The following CDH8 variants were observed in gnomAD, a reference collection of about 807,000 sequenced individuals.
CDH8 encodes the protein cadherin-8.
In CDH8, 17 loss-of-function variants were observed where a neutral mutation model predicts 68.1. That is an observed-to-expected ratio of 0.25 (90% CI 0.17 to 0.37). The LOEUF (loss-of-function observed/expected upper bound fraction) is 0.37, where lower values mean the gene tolerates loss of function less well. CDH8 is among the 10% of genes least tolerant of loss of function. The probability of loss-of-function intolerance (pLI) is 1.00; values close to 1 mark genes in which losing one functional copy is unlikely to be tolerated. For synonymous variants in CDH8, 372 were observed against 365.1 expected (o/e 1.02, Z -0.21); for missense variants, 763 against 999.3 (o/e 0.76, Z 3.19).
intron 8 of CDH8, among the ~76,000 whole-genome samples, chr16:61,768,346 C>CTCTCTCTCTCCCTT (rs1960661126): frequency 9.3e-6 from 1 of 107,118 alleles, no homozygotes; most frequent in Admixed American, 9.5e-5. Context: ...CTCTCTCTCT[C>CTCTCTCTCTCCCTT]TCTCTCTCTC....
chr16:61,787,768 A>G (rs1961263669), intron 8 of CDH8, among the ~76,000 whole-genome samples: 1 of 151,560 alleles, frequency 6.6e-6, no homozygotes, highest in South Asian at 2.1e-4. Flanking sequence ...GCCATAAAAA[A>G]TGATGACTTC....
chr16:61,989,347 A>C (rs556172042), intron 2 of CDH8, among the ~76,000 whole-genome samples: 61 of 152,236 alleles, frequency 4.0e-4, no homozygotes, highest in Non-Finnish European at 7.8e-4. Flanking sequence ...TTTCCCACAC[A>C]TGGAGACTGG....
intron 8 of CDH8, 74 bp downstream of exon 8, chr16:61,789,272 G>T (rs1961320843): frequency 3.6e-6 from 5 of 1,375,062 alleles, no homozygotes; most frequent in Non-Finnish European, 4.0e-6. Flanking sequence ...AACAGGGGCT[G>T]CTTATCACGT....
Position 61,653,490 on chromosome 16 carries a change from T to C in CDH8, c.*118A>G, listed in dbSNP as rs1230562455. The C allele has an allele frequency of 2.0e-6, 3 of 1,490,772 alleles. No individual in the cohort carries two copies. Among genetic ancestry groups the C allele is most frequent in the East Asian group, 2.3e-5 (1 of 42,982 alleles). The allele number at this position is 1,490,772 out of a possible 1,614,324, so 92.3% of individuals were successfully genotyped here. A position where few individuals can be genotyped will look rare whatever the true frequency, so the allele number is the denominator to read the frequency against. ...CAACATTAAAATGTGGTTGAGTTTA[T>C]AGATGACTGGTGCTAAACTTGCCTC... On this transcript the variant is annotated 3_prime_UTR_variant, in exon 12 of 12. Coordinates refer to ENST00000577390, the MANE Select transcript of CDH8 (RefSeq NM_001796.5).
At chr16:61,665,703 AT>A (rs2142765905) in intron 10 of CDH8, among the ~76,000 whole-genome samples, 1 of 151,410 alleles carries the variant, frequency 6.6e-6, no homozygotes, top group South Asian at 2.1e-4. Context: ...GCCTATCTGG[AT>A]AACTCTTCAC....
chr16:61,829,571 C>T (rs1310380144), intron 4 of CDH8, among the ~76,000 whole-genome samples: 1 of 151,810 alleles, frequency 6.6e-6, no homozygotes, highest in Non-Finnish European at 1.5e-5. Context: ...TGTTTTCTTA[C>T]CTGTAAAATG....
chr16:61,870,463 G>A (rs530513230), intron 3 of CDH8, among the ~76,000 whole-genome samples: 5 of 152,282 alleles, frequency 3.3e-5, no homozygotes, highest in Admixed American at 3.3e-4. Context: ...TTTCAAAACA[G>A]TATTTCATAT....
At chr16:61,763,525 G>A (rs903931742) in intron 8 of CDH8, among the ~76,000 whole-genome samples, 5 of 152,122 alleles carry the variant, frequency 3.3e-5, no homozygotes, top group East Asian at 3.9e-4. Context: ...ACTGTTGGGA[G>A]CTAGAGTTGA....
At chr16:61,891,961 TA>T (rs1038569387) in intron 3 of CDH8, among the ~76,000 whole-genome samples, 3 of 152,194 alleles carry the variant, frequency 2.0e-5, no homozygotes, top group African/African-American at 7.2e-5. Flanking sequence ...CTATAAATTA[TA>T]AAAAAGAAAT....
At chr16:61,774,480 CAT>C (rs1041302080) in intron 8 of CDH8, among the ~76,000 whole-genome samples, 4 of 142,814 alleles carry the variant, frequency 2.8e-5, no homozygotes, top group Non-Finnish European at 1.5e-5. Context: ...AAAAAAAAGA[CAT>C]AAAGATCCAG....
rs143641908 is a variant in CDH8 at position 61,723,913 on chromosome 16, C to T, written c.1536+3181G>A. Among the ~76,000 whole-genome samples, 1,205 of 150,768 alleles carry T rather than the reference C, an allele frequency of 8.0e-3. 13 individuals are homozygous for T. Among genetic ancestry groups the T allele is most frequent in the Middle Eastern group, 0.031 (9 of 294 alleles). On this transcript the variant is annotated intron_variant, in intron 9 of 11. Transcript: ENST00000577390. ...ATGTCTGAATTAGACTATATCACCA[C>T]TGAATTAGAGTCTAAAGATGTATAC...
chr16:61,847,202 A>T (rs1042057907), intron 4 of CDH8, among the ~76,000 whole-genome samples: 5 of 152,146 alleles, frequency 3.3e-5, no homozygotes, highest in Middle Eastern at 3.4e-3. Context: ...TTGAACAACT[A>T]TCATGAGATG....
chr16:61,883,809 C>G (rs1326565216), intron 3 of CDH8, among the ~76,000 whole-genome samples: 1 of 151,960 alleles, frequency 6.6e-6, no homozygotes, highest in Non-Finnish European at 1.5e-5. Flanking sequence ...GCAAAGACAG[C>G]TTTTATCTAT....
chr16:61,813,202 T>C (rs1961991333), intron 7 of CDH8, among the ~76,000 whole-genome samples: 1 of 152,166 alleles, frequency 6.6e-6, no homozygotes, highest in South Asian at 2.1e-4. Context: ...TAGTCAATTA[T>C]TTCCATTATA....
In CDH8 at chr16:61,650,864, TA is replaced by T. The variant is rs1963307896; in HGVS notation, c.*2743del. 1 of 152,080 alleles carries T rather than the reference TA, an allele frequency of 6.6e-6. No homozygotes were observed. Among genetic ancestry groups the T allele is most frequent in the Admixed American group, 6.6e-5 (1 of 15,246 alleles). 9.4% of individuals were successfully genotyped at this position (152,080 alleles called of 1,614,324 possible). A position where few individuals can be genotyped will look rare whatever the true frequency, so the allele number is the denominator to read the frequency against. ...TGTTACAAGACCTGAAATAGGCTTT[TA>T]AACACAAAATGCTGACACTGTGGTG... On this transcript the variant is annotated 3_prime_UTR_variant, in exon 12 of 12. Transcript: ENST00000577390.
chr16:62,033,612 T>C (rs1264007182), intron 1 of CDH8, among the ~76,000 whole-genome samples: 1 of 152,132 alleles, frequency 6.6e-6, no homozygotes, highest in Non-Finnish European at 1.5e-5. Context: ...GCAGGGAGAA[T>C]AGATTAAAAA....
At chr16:61,731,464 T>A (rs1392172171) in intron 8 of CDH8, among the ~76,000 whole-genome samples, 1 of 151,780 alleles carries the variant, frequency 6.6e-6, no homozygotes, top group African/African-American at 2.4e-5. Flanking sequence ...AATAGCTGGA[T>A]GTGGTCAGGG....
At chr16:61,753,174 C>T (rs1960215823) in intron 8 of CDH8, among the ~76,000 whole-genome samples, 1 of 151,604 alleles carries the variant, frequency 6.6e-6, no homozygotes, top group South Asian at 2.1e-4. Flanking sequence ...GTATTTTATT[C>T]CAAAACATTT....
intron 4 of CDH8, among the ~76,000 whole-genome samples, chr16:61,849,563 G>C (rs575727326): frequency 6.6e-6 from 1 of 152,126 alleles, no homozygotes; most frequent in Non-Finnish European, 1.5e-5. Flanking sequence ...TTTGGAGGGG[G>C]TGTGTGATTT....
Sources: gnomAD v4.1 joint callset for allele counts (sites outside exome capture counted in the v4.1 genomes callset) on GRCh38, gnomAD v4.1.1 for gene constraint, MANE v1.5 for transcripts, NCBI Gene and HGNC (gene_info 2026-07-23, HGNC 2026-07-21) for gene names.